Variants in BBOF1 observed in about 807,000 individuals in gnomAD.
The protein encoded by BBOF1 is basal body-orientation factor 1.
In BBOF1, 62 loss-of-function variants were observed where a neutral mutation model predicts 68.0. The observed-to-expected ratio is 0.91, with a 90% CI of 0.74 to 1.13. The LOEUF is 1.13. BBOF1 is among the 50% of genes most tolerant of loss of function. BBOF1 has a pLI of 0.00. For missense variants in BBOF1, 534 were observed against 600.1 expected, an observed-to-expected ratio of 0.89 and a Z score of 1.15; for synonymous variants, 208 against 198.8, an observed-to-expected ratio of 1.05 and a Z score of -0.39.
At chr14:74,024,848 C>T (rs1317272080) in intron 2 of BBOF1, among the ~76,000 whole-genome samples, 1 of 152,108 alleles carries the variant, frequency 6.6e-6, no homozygotes, top group Non-Finnish European at 1.5e-5. Flanking sequence ...AGAAATCCTC[C>T]CAACTTAGCC....
At position 74,055,589 on chromosome 14, in the gene BBOF1, A is replaced by T. The variant is rs1372486891; in HGVS notation, c.1292A>T (p.His431Leu). 6.2e-7 allele frequency: 1 copy of T among 1,609,974 alleles called. No individual in the cohort carries two copies. The highest frequency in any genetic ancestry group is 8.5e-7 in the Non-Finnish European group (1 of 1,176,808). Residue 431 changes from histidine (H) to leucine (L), a missense_variant, in exon 9 of 12, where the codon CAT (histidine) becomes CTT (leucine). Physicochemically the swap from His to Leu is moderately conservative, Grantham distance 99 (BLOSUM62 -3). Coordinates refer to ENST00000394009, the MANE Select transcript of BBOF1 (RefSeq NM_025057.3). ...TTTCCTTTGAAATTCTTTAGGACAC[A>T]TATTGAAGGAAATGTGGATATTGGA... ...QDLLEAEKWT[H>L]IEGNVDIGDL...
chr14:74,061,089 T>C (rs2060329887), intron 11 of BBOF1, among the ~76,000 whole-genome samples: 1 of 151,896 alleles, frequency 6.6e-6, no homozygotes, highest in South Asian at 2.1e-4. Flanking sequence ...GCAGCTCTCC[T>C]GCCTCAGCCT....
chr14:74,050,215 A>G lies in BBOF1; in HGVS notation c.1286+20A>G. 1 of 1,510,584 alleles carries G rather than the reference A, an allele frequency of 6.6e-7. No individual in the cohort carries two copies. The allele number at this position is 1,510,584 out of a possible 1,614,324, so 93.6% of individuals were successfully genotyped here. A position where few individuals can be genotyped will look rare whatever the true frequency, so the allele number is the denominator to read the frequency against. ...AAAATGGTACTAGCAATACTTTATT[A>G]TTATCTTTTTGCTGCTATTTTTGTG... On this transcript the variant is annotated intron_variant, in intron 8 of 11. Transcript: ENST00000394009.
At chr14:74,033,296 G>A (rs572270680) in intron 3 of BBOF1, among the ~76,000 whole-genome samples, 19 of 152,272 alleles carry the variant, frequency 1.2e-4, no homozygotes, top group Middle Eastern at 3.4e-3. Context: ...GACCGGGCGC[G>A]GTGGCTCATG....
chr14:74,055,369 G>A (rs369701356), intron 8 of BBOF1: 7 of 435,808 alleles, frequency 1.6e-5, no homozygotes, highest in East Asian at 4.7e-5. Flanking sequence ...GGCTGGTCTC[G>A]AACTCCTGAC....
At chr14:74,040,052 A>G (rs1170387840) in intron 4 of BBOF1, among the ~76,000 whole-genome samples, 2 of 145,572 alleles carry the variant, frequency 1.4e-5, no homozygotes, top group East Asian at 4.1e-4. Context: ...GGCTGGAGCA[A>G]TGTGGGCTCA....
chr14:74,025,794 G>A (rs2059410039), intron 2 of BBOF1, among the ~76,000 whole-genome samples: 1 of 152,098 alleles, frequency 6.6e-6, no homozygotes, highest in Non-Finnish European at 1.5e-5. Flanking sequence ...AGCATTCCTT[G>A]GAGAAATGGT....
intron 9 of BBOF1, chr14:74,072,390 C>T (rs552897293): frequency 1.2e-6 from 2 of 1,614,092 alleles, no homozygotes; most frequent in East Asian, 2.2e-5. Flanking sequence ...AGCACATGAT[C>T]CTTTGCCTGA....
intron 3 of BBOF1, among the ~76,000 whole-genome samples, chr14:74,033,404 C>T (rs1365682801): frequency 2.0e-5 from 3 of 151,716 alleles, no homozygotes; most frequent in Non-Finnish European, 4.4e-5. Context: ...CCCATCTCTA[C>T]TAAAAAATAC....
intron 9 of BBOF1, chr14:74,078,130 T>C (rs2060633116): frequency 4.5e-6 from 2 of 448,714 alleles, no homozygotes; most frequent in South Asian, 3.2e-5. Context: ...AACTTTATCT[T>C]AAAACTCCCA....
At chr14:74,048,274 A>G (rs2059994402) in intron 7 of BBOF1, 200 bp downstream of exon 7, 1 of 482,636 alleles carries the variant, frequency 2.1e-6, no homozygotes, top group African/African-American at 2.0e-5. Context: ...TCAACTTATA[A>G]AGAATATATC....
intron 5 of BBOF1, among the ~76,000 whole-genome samples, chr14:74,042,675 G>A (rs748472023): frequency 2.6e-5 from 4 of 152,056 alleles, no homozygotes; most frequent in South Asian, 2.1e-4. Context: ...AATGCTGGGC[G>A]GCACACACTG....
In BBOF1 at chr14:74,046,060, C is replaced by G. The variant is rs767592531; in HGVS notation, c.577C>G (p.His193Asp). The G allele has an allele frequency of 8.7e-6, 14 of 1,603,556 alleles. No homozygotes were observed. Among genetic ancestry groups the G allele is most frequent in the Non-Finnish European group, 1.2e-5 (14 of 1,175,376 alleles). The change falls in exon 6 of 12, where the codon CAC (histidine) becomes GAC (aspartate). Residue 193 changes from histidine (H) to aspartate (D), a missense_variant and splice_region_variant. By Grantham distance (81) the His-to-Asp change is moderately conservative. Coordinates refer to ENST00000394009, the MANE Select transcript of BBOF1 (RefSeq NM_025057.3). ...RLESRFFEEK[H>D]RLEQEAEKKI... ...TTAAGCAGCCCATTTTCTTTTTTAGCACCGACTAGAACAAGAGGCTGAAAA... is the reference window on the plus strand; with the variant it reads ...TTAAGCAGCCCATTTTCTTTTTTAGGACCGACTAGAACAAGAGGCTGAAAA...
intron 6 of BBOF1, among the ~76,000 whole-genome samples, chr14:74,047,070 G>A (rs1390906766): frequency 6.6e-6 from 1 of 152,196 alleles, no homozygotes; most frequent in East Asian, 1.9e-4. Context: ...TCAACTAAAA[G>A]TAGGGCTAAT....
chr14:74,035,792 C>A (rs11159059), intron 4 of BBOF1, among the ~76,000 whole-genome samples: 16,871 of 151,622 alleles, frequency 0.11, 1,233 homozygotes, highest in Admixed American at 0.19. Flanking sequence ...TGACTTCACC[C>A]AGAGTGAGTA....
intron 4 of BBOF1, among the ~76,000 whole-genome samples, chr14:74,037,887 G>A (rs1226787517): frequency 9.9e-5 from 15 of 151,566 alleles, no homozygotes; most frequent in Non-Finnish European, 1.6e-4. Context: ...CCTGGGAGGC[G>A]GAGGTTGCAG....
chr14:74,060,927 C>T (rs894671557), intron 11 of BBOF1, among the ~76,000 whole-genome samples: 1 of 151,914 alleles, frequency 6.6e-6, no homozygotes, highest in East Asian at 1.9e-4. Flanking sequence ...TAATACCTGG[C>T]AGATAGTAAA....
chr14:74,030,859 T>TA (rs991923527), intron 3 of BBOF1, among the ~76,000 whole-genome samples: 12 of 148,104 alleles, frequency 8.1e-5, no homozygotes, highest in South Asian at 6.4e-4. Context: ...ATCCTCTCTT[T>TA]AAAAAAAAAG....
chr14:74,050,218 AT>A, intron 8 of BBOF1, 23 bp downstream of exon 8: 1 of 1,509,352 alleles, frequency 6.6e-7, no homozygotes, highest in Non-Finnish European at 8.8e-7. Context: ...CTTTATTATT[AT>A]CTTTTTGCTG....
Sources: gnomAD v4.1 joint callset for allele counts (sites outside exome capture counted in the v4.1 genomes callset) on GRCh38, gnomAD v4.1.1 for gene constraint, MANE v1.5 for transcripts, NCBI Gene and HGNC (gene_info 2026-07-23, HGNC 2026-07-21) for gene names.